ALK: variants seen among roughly 807,000 people sequenced by gnomAD.
ALK encodes ALK receptor tyrosine kinase, also known as ALK tyrosine kinase receptor.
ALK carries 74 observed loss-of-function variants against 163.1 expected under a neutral mutation model. That is an observed-to-expected ratio of 0.45 (90% CI 0.38 to 0.55). The LOEUF (loss-of-function observed/expected upper bound fraction) is 0.55. Ranked by LOEUF, ALK falls within the 20% of genes least tolerant of loss-of-function variation. The pLI, the probability that ALK is intolerant of heterozygous loss-of-function variation, is 0.00. For synonymous variants in ALK, 960 were observed against 843.2 expected, an observed-to-expected ratio of 1.14 and a Z score of -2.40; for missense variants, 2,063 against 2,105.3, an observed-to-expected ratio of 0.98 and a Z score of 0.39.
At position 29,515,998 on chromosome 2, in the gene ALK, G is replaced by T. The variant is rs1205310497; in HGVS notation, c.1154+15917C>A. On this transcript the variant is annotated intron_variant, in intron 4 of 28. Transcript: ENST00000389048. ...AAGGCCAGCTCAAGCTTGGCCGAGT[G>T]GGCTAAGGTGAGTTCTGGGTCCAGT... Among the ~76,000 whole-genome samples, 3 of 152,252 alleles carry T rather than the reference G, an allele frequency of 2.0e-5. No individual in the cohort carries two copies. The East Asian group carries it at 5.8e-4, about 29-fold the overall frequency.
At chr2:29,834,720 A>T (rs1031537302) in intron 1 of ALK, among the ~76,000 whole-genome samples, 2 of 152,184 alleles carry the variant, frequency 1.3e-5, no homozygotes, top group African/African-American at 2.4e-5. Context: ...GAGGGGTATG[A>T]TTCTGTACTC....
At chr2:29,868,169 G>A (rs1666488515) in intron 1 of ALK, among the ~76,000 whole-genome samples, 1 of 152,208 alleles carries the variant, frequency 6.6e-6, no homozygotes, top group African/African-American at 2.4e-5. Flanking sequence ...GAAAAGGAAG[G>A]AGAGAAGATG....
At chr2:29,813,762 C>T (rs929009070) in intron 1 of ALK, among the ~76,000 whole-genome samples, 1 of 152,174 alleles carries the variant, frequency 6.6e-6, no homozygotes, top group Non-Finnish European at 1.5e-5. Flanking sequence ...AGTCTGTTCT[C>T]CTTGTGGAAC....
chr2:29,830,760 C>T (rs1472510205), intron 1 of ALK, among the ~76,000 whole-genome samples: 1 of 122,308 alleles, frequency 8.2e-6, no homozygotes, highest in Non-Finnish European at 1.6e-5. Context: ...AAAACTTAGC[C>T]AAGCATGGTG....
chr2:29,465,377 T>C (rs1051148875), intron 4 of ALK, among the ~76,000 whole-genome samples: 1 of 152,176 alleles, frequency 6.6e-6, no homozygotes, highest in African/African-American at 2.4e-5. Context: ...GACAAAATTC[T>C]ATAGGGACTT....
intron 1 of ALK, among the ~76,000 whole-genome samples, chr2:29,787,552 C>T (rs1265950325): frequency 6.6e-6 from 1 of 152,086 alleles, no homozygotes; most frequent in Admixed American, 6.5e-5. Context: ...GTCCATGGGA[C>T]GTATGCATAG....
chr2:29,407,511 G>A (rs1354480579), intron 4 of ALK, among the ~76,000 whole-genome samples: 1 of 152,252 alleles, frequency 6.6e-6, no homozygotes, highest in Non-Finnish European at 1.5e-5. Flanking sequence ...TAGAGGCTGA[G>A]TTTGAATTCA....
At chr2:29,207,069 C>T (rs2148151636) in intron 26 of ALK, 102 bp downstream of exon 26, 1 of 864,926 alleles carries the variant, frequency 1.2e-6, no homozygotes, top group Non-Finnish European at 2.0e-6. Context: ...TCTTTTCCCT[C>T]CCTACTAACA....
At chr2:29,543,087 A>G (rs943567975) in intron 3 of ALK, among the ~76,000 whole-genome samples, 19 of 152,206 alleles carry the variant, frequency 1.2e-4, no homozygotes, top group African/African-American at 4.3e-4. Context: ...ATTTATGTGC[A>G]AATGCATGGG....
intron 1 of ALK, among the ~76,000 whole-genome samples, chr2:29,862,161 A>G (rs1666311978): frequency 6.6e-6 from 1 of 152,226 alleles, no homozygotes; most frequent in South Asian, 2.1e-4. Flanking sequence ...GCCCATAGCC[A>G]ATATCATACT....
intron 11 of ALK, among the ~76,000 whole-genome samples, chr2:29,263,714 G>A (rs1665144216): frequency 6.6e-6 from 1 of 152,178 alleles, no homozygotes; most frequent in African/African-American, 2.4e-5. Flanking sequence ...CATGGTGGCT[G>A]GAGTTGCAGC....
At chr2:29,544,665 C>G (rs1338208254) in intron 3 of ALK, among the ~76,000 whole-genome samples, 1 of 152,006 alleles carries the variant, frequency 6.6e-6, no homozygotes, top group Admixed American at 6.6e-5. Flanking sequence ...TGTATCATCT[C>G]TCAAGTCTTT....
chr2:29,807,151 A>C (rs1664638733), intron 1 of ALK, among the ~76,000 whole-genome samples: 1 of 152,232 alleles, frequency 6.6e-6, no homozygotes. Flanking sequence ...GCAAGTTGTC[A>C]GGTGCTACCA....
At chr2:29,621,808 C>T (rs905321393) in intron 3 of ALK, among the ~76,000 whole-genome samples, 3 of 152,160 alleles carry the variant, frequency 2.0e-5, no homozygotes, top group African/African-American at 4.8e-5. Context: ...CTTAACCAAT[C>T]GCCAGCATCA....
chr2:29,259,754 C>T (rs1325546676), intron 11 of ALK, among the ~76,000 whole-genome samples: 2 of 152,064 alleles, frequency 1.3e-5, no homozygotes, highest in Non-Finnish European at 2.9e-5. Context: ...CTTAGGTATA[C>T]AGTGTGCTCT....
Position 29,921,022 on chromosome 2 carries a change from C to T in ALK, c.-363G>A, listed in dbSNP as rs1430771157. 8 of 301,126 alleles carry T rather than the reference C, an allele frequency of 2.7e-5. No homozygotes were observed. The highest frequency in any genetic ancestry group is 3.7e-5 in the Non-Finnish European group (6 of 161,582). 18.7% of individuals were successfully genotyped at this position (301,126 alleles called of 1,614,324 possible). On this transcript the variant is annotated 5_prime_UTR_variant, in exon 1 of 29. Coordinates refer to ENST00000389048, the MANE Select transcript of ALK (RefSeq NM_004304.5). ...TTGAAGGGAGGTGGCAGTTGGGTAC[C>T]GTCCTCTCCTGCCCCCCGCAGTCGG...
At chr2:29,640,059 G>C (rs1158923508) in intron 3 of ALK, among the ~76,000 whole-genome samples, 2 of 152,200 alleles carry the variant, frequency 1.3e-5, no homozygotes, top group Non-Finnish European at 2.9e-5. Flanking sequence ...AGAAGAAGAA[G>C]CTCAGCACCT....
intron 4 of ALK, among the ~76,000 whole-genome samples, chr2:29,509,472 A>G (rs988671267): frequency 6.6e-6 from 1 of 152,106 alleles, no homozygotes; most frequent in Non-Finnish European, 1.5e-5. Flanking sequence ...CATGCTTTTC[A>G]GTGAATATTA....
At chr2:29,268,721 C>T (rs1448398178) in intron 11 of ALK, among the ~76,000 whole-genome samples, 1 of 152,122 alleles carries the variant, frequency 6.6e-6, no homozygotes, top group African/African-American at 2.4e-5. Context: ...AGCAATTGGG[C>T]AGTATTTAGT....
Sources: gnomAD v4.1 joint callset for allele counts (sites outside exome capture counted in the v4.1 genomes callset) on GRCh38, gnomAD v4.1.1 for gene constraint, MANE v1.5 for transcripts, NCBI Gene and HGNC (gene_info 2026-07-23, HGNC 2026-07-21) for gene names.